IRF2BPL: variants seen among roughly 807,000 people sequenced by gnomAD.
IRF2BPL encodes the protein interferon regulatory factor 2 binding protein like.
IRF2BPL carries 13 observed loss-of-function variants against 51.2 expected under a neutral mutation model. The observed-to-expected ratio is 0.25, with a 90% CI of 0.17 to 0.40. The LOEUF is 0.40. Among genes scored for constraint, IRF2BPL ranks in the 10% least tolerant of loss-of-function variants. The pLI is 1.00. For missense variants in IRF2BPL, 1,210 were observed against 1,111.8 expected (o/e 1.09, Z -1.26); for synonymous variants, 768 against 509.2 (o/e 1.51, Z -6.84).
Position 77,026,851 on chromosome 14 carries a change from A to C in IRF2BPL, c.942T>G (p.Ser314=). ...CCTCTGCCACCGACGAAGAGGTCGA[A>C]GACGACGCGGAGGACGACGTGGCCG... ...GVSATSSSAS[S]STSSSVAEVG... is the part of the protein sequence containing the mutation. Residue 314 remains serine (S), a synonymous_variant, in exon 1 of 1, where the codon TCT becomes TCG. Transcript: ENST00000238647. The C allele has an allele frequency of 6.2e-7, 1 of 1,606,212 alleles. No homozygotes were observed. The highest frequency in any genetic ancestry group is 8.5e-7 in the Non-Finnish European group (1 of 1,176,774).
Position 77,026,257 on chromosome 14 carries a change from C to T in IRF2BPL, c.1536G>A (p.Val512=), listed in dbSNP as rs891007991. The T allele has an allele frequency of 3.4e-6, 5 of 1,480,764 alleles. No individual in the cohort carries two copies. In the African/African-American group the frequency reaches 7.1e-5, roughly 21 times the overall value. 91.7% of individuals were successfully genotyped at this position (1,480,764 alleles called of 1,614,324 possible). Residue 512 remains valine (V), a synonymous_variant, in exon 1 of 1, where the codon GTG becomes GTA. Transcript: ENST00000238647. ...ASCPMLPTAL[V]SLSRAPSAPP... ...GTGCGCTGGGGGCGCGGCTCAGACT[C>T]ACCAGAGCAGTGGGCAGCATGGGAC...
Position 77,025,716 on chromosome 14 carries a change from C to A in IRF2BPL, c.2077G>T (p.Gly693Cys). The change falls in exon 1 of 1, where the codon GGC becomes TGC. Residue 693 changes from glycine to cysteine, a missense_variant. Transcript: ENST00000238647. ...VAPPPPSAHP[G>C]MDQVHPQNIP... Reference sequence around the variant, plus strand: ...TTTTGGGGGTGCACTTGGTCCATGCCCGGGTGGGCGCTAGGCGGCGGGGGC... The same window carrying A: ...TTTTGGGGGTGCACTTGGTCCATGCACGGGTGGGCGCTAGGCGGCGGGGGC... The A allele has an allele frequency of 1.9e-6, 3 of 1,572,304 alleles. No individual in the cohort carries two copies. Among genetic ancestry groups the A allele is most frequent in the Non-Finnish European group, 2.6e-6 (3 of 1,157,728 alleles).
chr14:77,026,146 C>T lies in IRF2BPL; in HGVS notation c.1647G>A (p.Glu549=). 1 of 1,535,602 alleles carries T rather than the reference C, an allele frequency of 6.5e-7. No individual in the cohort carries two copies. Among genetic ancestry groups the T allele is most frequent in the East Asian group, 2.4e-5 (1 of 41,116 alleles). ...GCGCGCCCTCGGCTGAGTCCGGGGG[C>T]TCCGGAGAGGCCTTTCTCTTGCGCA... The part of the protein sequence containing the change: ...ASLRKRKASP[E]PPDSAEGALK... The change falls in exon 1 of 1, where the codon GAG becomes GAA. Residue 549 remains glutamate (E), a synonymous_variant. Coordinates refer to ENST00000238647, the MANE Select transcript of IRF2BPL (RefSeq NM_024496.4).
rs769044720 is a variant in IRF2BPL, at chr14:77,027,301, C to CGCAGCG, written c.486_491dup (p.Ala163_Ala164dup). ...ACTCGAAGCGGCTGCGCTGTTCCAC[C>CGCAGCG]GCAGCGGCGGCGGCGGCGGCGGCGG... On this transcript the variant is annotated inframe_insertion, in exon 1 of 1. Transcript: ENST00000238647. 2.6e-6 allele frequency: 4 copies of CGCAGCG among 1,525,384 alleles called. No homozygotes were observed. Among genetic ancestry groups the CGCAGCG allele is most frequent in the African/African-American group, 2.8e-5 (2 of 70,516 alleles). The allele number at this position is 1,525,384 out of a possible 1,614,324, so 94.5% of individuals were successfully genotyped here.
chr14:77,025,823 C>T lies in IRF2BPL; in HGVS notation c.1970G>A (p.Ser657Asn). Reference sequence around the variant, plus strand: ...GGAGGCCGGCGAGACTGGGCTGCTGCTGTTTCGCCGCGCCGACGCAGTGGT... The same window carrying T: ...GGAGGCCGGCGAGACTGGGCTGCTGTTGTTTCGCCGCGCCGACGCAGTGGT... ...HSTTASARRNSSSPVSPASVP... is the reference protein window; with the variant it reads ...HSTTASARRNNSSPVSPASVP... The change falls in exon 1 of 1, where the codon AGC becomes AAC. Residue 657 changes from serine to asparagine, a missense_variant. Transcript: ENST00000238647. 1 of 1,612,506 alleles carries T rather than the reference C, an allele frequency of 6.2e-7. No homozygotes were observed. Among genetic ancestry groups the T allele is most frequent in the Non-Finnish European group, 8.5e-7 (1 of 1,179,738 alleles).
rs761652931 is a variant in IRF2BPL at position 77,027,403 on chromosome 14, G to A, written c.390C>T (p.His130=). ...CCGCAGGCTTGCTGGAACCATCAAC[G>A]TGGTTGAGCTGTTGTTGCTGCTGCT... is the stretch of plus-strand genomic sequence containing the variant. The part of the protein sequence containing the change: ...QQQQQQQQLN[H]VDGSSKPAVL... The change falls in exon 1 of 1, where the codon CAC becomes CAT. Residue 130 remains histidine, a synonymous_variant. Coordinates refer to ENST00000238647, the MANE Select transcript of IRF2BPL (RefSeq NM_024496.4). 6.0e-5 allele frequency: 89 copies of A among 1,478,998 alleles called. No individual in the cohort carries two copies. Among genetic ancestry groups the A allele is most frequent in the Non-Finnish European group, 4.4e-5 (49 of 1,116,612 alleles). 91.6% of individuals were successfully genotyped at this position (1,478,998 alleles called of 1,614,324 possible).
rs1314132672 is a variant in IRF2BPL, at chr14:77,025,556, C to T, written c.2237G>A (p.Ser746Asn). ...GCCGGTGGCCCCCTGGGCCTTGATA[C>T]TCTCTCTAGAGCAAGGGAAGCAAAA... Reference protein sequence around the residue: ...HKFCFPCSRESIKAQGATGEV... With the variant: ...HKFCFPCSRENIKAQGATGEV... Residue 746 changes from serine to asparagine, a missense_variant, in exon 1 of 1, where the codon AGT becomes AAT. By Grantham distance (46) the Ser-to-Asn change is conservative. Transcript: ENST00000238647. 2 of 1,613,540 alleles carry T rather than the reference C, an allele frequency of 1.2e-6. No individual in the cohort carries two copies. Among genetic ancestry groups the T allele is most frequent in the Non-Finnish European group, 1.7e-6 (2 of 1,179,726 alleles).
In IRF2BPL at chr14:77,028,028, A is replaced by C. The variant is rs1019346575; in HGVS notation, c.-236T>G. On this transcript the variant is annotated 5_prime_UTR_variant, in exon 1 of 1. Transcript: ENST00000238647. ...CGGGTTCAGCCCTCTCTTCGCCCCC[A>C]CCTCCTACTGCGGTTGACTCGTCGC... is the stretch of plus-strand genomic sequence containing the variant. The C allele has an allele frequency of 1.4e-5, 6 of 435,744 alleles. No homozygotes were observed. The Admixed American group carries it at 2.1e-4, about 15-fold the overall frequency. 27.0% of individuals were successfully genotyped at this position (435,744 alleles called of 1,614,324 possible). A position where few individuals can be genotyped will look rare whatever the true frequency, so the allele number is the denominator to read the frequency against.
Position 77,027,845 on chromosome 14 carries a change from T to C in IRF2BPL, c.-53A>G. ...CCGCCCGGGCTGTCTCCGCGGCGCC[T>C]TCTCCTCCGGGAGGACTGGCCGGCT... is the stretch of plus-strand genomic sequence containing the variant. On this transcript the variant is annotated 5_prime_UTR_variant, in exon 1 of 1. Transcript: ENST00000238647. 7.6e-6 allele frequency: 11 copies of C among 1,447,222 alleles called. No homozygotes were observed. Among genetic ancestry groups the C allele is most frequent in the Non-Finnish European group, 1.0e-5 (11 of 1,094,348 alleles). 89.6% of individuals were successfully genotyped at this position (1,447,222 alleles called of 1,614,324 possible). A position where few individuals can be genotyped will look rare whatever the true frequency, so the allele number is the denominator to read the frequency against.
rs1885082435 is a variant in IRF2BPL, at chr14:77,025,456, T to C, written c.2337A>G (p.Glu779=). The C allele has an allele frequency of 6.2e-7, 1 of 1,600,560 alleles. No individual in the cohort carries two copies. Among genetic ancestry groups the C allele is most frequent in the South Asian group, 1.1e-5 (1 of 89,576 alleles). ...CATCCCCAGCTAAGATAGTCGCGAT[T>C]TCGCCCTGCATGAAGGCCCAAGGTA... ...SNVPWAFMQG[E]IATILAGDVK... The change falls in exon 1 of 1, where the codon GAA becomes GAG. Residue 779 remains glutamate (E), a synonymous_variant. Coordinates refer to ENST00000238647, the MANE Select transcript of IRF2BPL (RefSeq NM_024496.4).
In IRF2BPL at chr14:77,025,226, T is replaced by C; in HGVS notation, c.*176A>G. On this transcript the variant is annotated 3_prime_UTR_variant, in exon 1 of 1. Coordinates refer to ENST00000238647, the MANE Select transcript of IRF2BPL (RefSeq NM_024496.4). ...AGTTACATACCTTTGTTTCAAAATA[T>C]AGAAACATACGACGAAAATAATGTC... 3 of 468,664 alleles carry C rather than the reference T, an allele frequency of 6.4e-6. No homozygotes were observed. The highest frequency in any genetic ancestry group is 3.2e-5 in the East Asian group (1 of 31,078). 29.0% of individuals were successfully genotyped at this position (468,664 alleles called of 1,614,324 possible).
In IRF2BPL at chr14:77,028,643, T is replaced by C; in HGVS notation, c.-851A>G. On this transcript the variant is annotated 5_prime_UTR_variant, in exon 1 of 1. Transcript: ENST00000238647. ...GCTCGCCCGGAATGTGGGGTTGTGA[T>C]TGTTACTCTACGTTCCGGAGGCGCG... The C allele has an allele frequency of 2.6e-6, 1 of 381,806 alleles. No individual in the cohort carries two copies. The highest frequency in any genetic ancestry group is 3.7e-5 in the East Asian group (1 of 26,786). 23.7% of individuals were successfully genotyped at this position (381,806 alleles called of 1,614,324 possible).
Position 77,026,157 on chromosome 14 carries a change from C to A in IRF2BPL, c.1636G>T (p.Ala546Ser), listed in dbSNP as rs1301939563. ...GCTGAGTCCGGGGGCTCCGGAGAGG[C>A]CTTTCTCTTGCGCAGGCTGGCGGCT... ...GAAASLRKRK[A>S]SPEPPDSAEG... Residue 546 changes from alanine to serine, a missense_variant, in exon 1 of 1, where the codon GCC (alanine) becomes TCC (serine). Transcript: ENST00000238647. 1 of 1,508,502 alleles carries A rather than the reference C, an allele frequency of 6.6e-7. No homozygotes were observed. Among genetic ancestry groups the A allele is most frequent in the Non-Finnish European group, 8.8e-7 (1 of 1,138,732 alleles). The allele number at this position is 1,508,502 out of a possible 1,614,324, so 93.4% of individuals were successfully genotyped here. A position where few individuals can be genotyped will look rare whatever the true frequency, so the allele number is the denominator to read the frequency against.
At position 77,027,945 on chromosome 14, in the gene IRF2BPL, G is replaced by A; in HGVS notation, c.-153C>T. On this transcript the variant is annotated 5_prime_UTR_variant, in exon 1 of 1. Transcript: ENST00000238647. ...CTGCCCCAGGGGCTGGAGGGAACGC[G>A]AGTCTCCACCGCCGGCGCAGCGCCT... is the stretch of plus-strand genomic sequence containing the variant. The A allele has an allele frequency of 4.3e-6, 4 of 940,944 alleles. No individual in the cohort carries two copies. The highest frequency in any genetic ancestry group is 5.9e-6 in the Non-Finnish European group (4 of 681,750). The allele number at this position is 940,944 out of a possible 1,614,324, so 58.3% of individuals were successfully genotyped here.
Position 77,025,888 on chromosome 14 carries a change from G to A in IRF2BPL, c.1905C>T (p.Gly635=), listed in dbSNP as rs528902990. ...TGCCATCCTTGGGCGAGTGCGCTGT[G>A]CCCAGAGTATCTGCCACCGACATGA... ...AALMSVADTL[G]TAHSPKDGSS... Residue 635 remains glycine (G), a synonymous_variant, in exon 1 of 1, where the codon GGC becomes GGT. Transcript: ENST00000238647. 26 of 1,612,310 alleles carry A rather than the reference G, an allele frequency of 1.6e-5. No individual in the cohort carries two copies. The South Asian group carries it at 2.4e-4, about 15-fold the overall frequency.
chr14:77,027,330 CG>C lies in IRF2BPL; in HGVS notation c.462del (p.Ala155ProfsTer24). 6.5e-7 allele frequency: 1 copy of C among 1,530,674 alleles called. No homozygotes were observed. Among genetic ancestry groups the C allele is most frequent in the Non-Finnish European group, 8.7e-7 (1 of 1,145,468 alleles). The allele number at this position is 1,530,674 out of a possible 1,614,324, so 94.8% of individuals were successfully genotyped here. ...SGLERYGLSA[A>X]AAAAAAAAAA... ...GCGGCGGCGGCGGCGGCGGCGGCGG[CG>C]GCAGCGCTTAGGCCGTAGCGCTCCA... On this transcript the variant is annotated frameshift_variant, in exon 1 of 1. Transcript: ENST00000238647. LOFTEE classifies it high-confidence loss of function.
rs1885084932 is a variant in IRF2BPL, at chr14:77,025,508, T to C, written c.2285A>G (p.Glu762Gly). The C allele has an allele frequency of 6.2e-7, 1 of 1,613,828 alleles. No individual in the cohort carries two copies. The highest frequency in any genetic ancestry group is 8.5e-7 in the Non-Finnish European group (1 of 1,179,908). Reference protein sequence around the residue: ...ATGEVYCPSGEKCPLVGSNVP... With the variant: ...ATGEVYCPSGGKCPLVGSNVP... ...ATTCGACCCGACTAGGGGGCATTTC[T>C]CTCCGCTGGGGCAATACACCTCGCC... The change falls in exon 1 of 1, where the codon GAG (glutamate) becomes GGG (glycine). Residue 762 changes from glutamate (E) to glycine (G), a missense_variant. Transcript: ENST00000238647.
In IRF2BPL at chr14:77,026,558, C is replaced by G; in HGVS notation, c.1235G>C (p.Gly412Ala). The stretch of plus-strand genomic sequence containing the variant: ...GAACAGCTTCAATTCGTAGTCCATG[C>G]CGGGCTTGGAGACGGCGTCGAAGGC... ...VFAFDAVSKP[G>A]MDYELKLFIE... The change falls in exon 1 of 1, where the codon GGC becomes GCC. Residue 412 changes from glycine to alanine, a missense_variant. Gly to Ala is a moderately conservative substitution (Grantham distance 60). Coordinates refer to ENST00000238647, the MANE Select transcript of IRF2BPL (RefSeq NM_024496.4). The G allele has an allele frequency of 1.9e-6, 3 of 1,613,832 alleles. No homozygotes were observed. The highest frequency in any genetic ancestry group is 2.5e-6 in the Non-Finnish European group (3 of 1,179,998).
chr14:77,027,166 T>C lies in IRF2BPL; in HGVS notation c.627A>G (p.Pro209=). 1 of 1,612,974 alleles carries C rather than the reference T, an allele frequency of 6.2e-7. No homozygotes were observed. The highest frequency in any genetic ancestry group is 8.5e-7 in the Non-Finnish European group (1 of 1,179,566). The change falls in exon 1 of 1, where the codon CCA becomes CCG. Residue 209 remains proline (P), a synonymous_variant. Transcript: ENST00000238647. The part of the protein sequence containing the change: ...FPKPTPEEGP[P]ELNRQSPNSS... ...AATTGGGGCTCTGACGGTTCAGCTCTGGGGGTCCCTCCTCTGGTGTTGGTT... is the reference window on the plus strand; with the variant it reads ...AATTGGGGCTCTGACGGTTCAGCTCCGGGGGTCCCTCCTCTGGTGTTGGTT...
Sources: allele counts gnomAD v4.1 joint callset, GRCh38; gene constraint gnomAD v4.1.1; transcripts MANE v1.5; gene names NCBI Gene and HGNC (gene_info 2026-07-23, HGNC 2026-07-21).